The following PALLD variants were observed in gnomAD, a reference collection of about 807,000 sequenced individuals.
PALLD encodes palladin, cytoskeletal associated protein, also known as palladin.
A neutral mutation model predicts 123.5 loss-of-function variants in PALLD; 61 were observed. The observed-to-expected ratio is 0.49, with a 90% CI of 0.40 to 0.61. The LOEUF (loss-of-function observed/expected upper bound fraction) is 0.61. Among genes scored for constraint, PALLD ranks in the 20% least tolerant of loss-of-function variants. The probability of loss-of-function intolerance (pLI) is 0.00; values close to 1 mark genes in which losing one functional copy is unlikely to be tolerated. For missense variants in PALLD, 1,273 were observed against 1,377.0 expected, an observed-to-expected ratio of 0.92 and a Z score of 1.20; for synonymous variants, 465 against 496.4, an observed-to-expected ratio of 0.94 and a Z score of 0.84.
intron 2 of PALLD, chr4:168,654,751 C>G (rs1778391497): frequency 6.6e-6 from 1 of 152,368 alleles, no homozygotes; most frequent in South Asian, 2.1e-4. Flanking sequence ...TAACCAGGCT[C>G]TCAGGGGAAG....
intron 2 of PALLD, among the ~76,000 whole-genome samples, chr4:168,633,005 C>T (rs141895082): frequency 3.7e-4 from 56 of 152,246 alleles, no homozygotes; most frequent in African/African-American, 1.2e-3. Context: ...TCCAAGGGAC[C>T]AGCATGATTT....
At chr4:168,635,209 C>G (rs995828567) in intron 2 of PALLD, among the ~76,000 whole-genome samples, 1 of 152,132 alleles carries the variant, frequency 6.6e-6, no homozygotes, top group Non-Finnish European at 1.5e-5. Context: ...GATGGTTTTG[C>G]TCAACCTCCT....
intron 3 of PALLD, among the ~76,000 whole-genome samples, chr4:168,670,747 CAAAAAAAACAAAAAAAACA>C (rs1331055203): frequency 2.3e-4 from 6 of 25,554 alleles, no homozygotes; most frequent in Non-Finnish European, 3.6e-4. Context: ...CTCAAAAAAA[CAAAAAAAACAAAAAAAACA>C]AAAAAAAACA....
chr4:168,601,225 G>A (rs1228346512), intron 2 of PALLD, among the ~76,000 whole-genome samples: 1 of 152,102 alleles, frequency 6.6e-6, no homozygotes, highest in Non-Finnish European at 1.5e-5. Flanking sequence ...GAGGGAAAGA[G>A]GCATCTCTCA....
intron 2 of PALLD, among the ~76,000 whole-genome samples, chr4:168,667,676 G>T (rs1056064964): frequency 6.6e-6 from 1 of 152,214 alleles, no homozygotes; most frequent in Non-Finnish European, 1.5e-5. Flanking sequence ...GTAAATATCA[G>T]AAATGTGGAA....
intron 2 of PALLD, among the ~76,000 whole-genome samples, chr4:168,656,854 C>T (rs946954360): frequency 7.2e-5 from 11 of 152,140 alleles, no homozygotes; most frequent in East Asian, 1.9e-4. Flanking sequence ...GAAAATTATA[C>T]GTAAACATAG....
chr4:168,813,762 C>G (rs76877518), intron 10 of PALLD, among the ~76,000 whole-genome samples: 4,828 of 152,240 alleles, frequency 0.032, 266 homozygotes, highest in African/African-American at 0.11. Context: ...ATGATTCTGT[C>G]TCGCATAATT....
chr4:168,528,336 C>G (rs1306153116), intron 2 of PALLD, among the ~76,000 whole-genome samples: 5 of 152,214 alleles, frequency 3.3e-5, no homozygotes, highest in Non-Finnish European at 7.3e-5. Context: ...TGCTTTTAGA[C>G]TTAAGTAAAC....
intron 8 of PALLD, among the ~76,000 whole-genome samples, chr4:168,704,604 C>T (rs1581058276): frequency 6.9e-6 from 1 of 144,030 alleles, no homozygotes; most frequent in Non-Finnish European, 1.5e-5. Flanking sequence ...GCGGAGCTTG[C>T]AGTGAGCCGA....
At chr4:168,532,151 T>C (rs1275266513) in intron 2 of PALLD, among the ~76,000 whole-genome samples, 1 of 152,208 alleles carries the variant, frequency 6.6e-6, no homozygotes, top group Non-Finnish European at 1.5e-5. Context: ...TGTGTTTTTA[T>C]CATTTAGCTT....
intron 10 of PALLD, among the ~76,000 whole-genome samples, chr4:168,760,475 T>C (rs1732681561): frequency 6.6e-6 from 1 of 152,192 alleles, no homozygotes; most frequent in South Asian, 2.1e-4. Flanking sequence ...GAGGTTTCTA[T>C]GATCTCTTTC....
chr4:168,686,319 T>A (rs5021497), intron 6 of PALLD, among the ~76,000 whole-genome samples: 4,492 of 152,156 alleles, frequency 0.03, 215 homozygotes, highest in African/African-American at 0.1. Context: ...CAACCCGTCA[T>A]CTAGGTTTTA....
chr4:168,878,067 G>C lies in PALLD; in HGVS notation c.1965-12855G>C. The C allele has an allele frequency of 2.7e-6, 4 of 1,468,312 alleles. No homozygotes were observed. Among genetic ancestry groups the C allele is most frequent in the Non-Finnish European group, 3.6e-6 (4 of 1,116,908 alleles). The allele number at this position is 1,468,312 out of a possible 1,614,324, so 91.0% of individuals were successfully genotyped here. ...CCGTCGCCCATGTCCCCGACGCCGA[G>C]GCAGTTCGGCCGCGCCCCCGTGCCG... On this transcript the variant is annotated intron_variant, in intron 10 of 21. Coordinates refer to ENST00000505667, the MANE Select transcript of PALLD (RefSeq NM_001166108.2).
chr4:168,667,520 TCAAA>T (rs1466103016), intron 2 of PALLD, among the ~76,000 whole-genome samples: 1 of 152,106 alleles, frequency 6.6e-6, no homozygotes, highest in Admixed American at 6.6e-5. Context: ...GAACCTGTGT[TCAAA>T]CAGTCTGGCA....
At chr4:168,782,663 A>C (rs1005822447) in intron 10 of PALLD, among the ~76,000 whole-genome samples, 1 of 152,084 alleles carries the variant, frequency 6.6e-6, no homozygotes, top group African/African-American at 2.4e-5. Context: ...TAATCCCAGC[A>C]CTTGGGAGGC....
At chr4:168,835,135 G>A (rs936695822) in intron 10 of PALLD, among the ~76,000 whole-genome samples, 4 of 152,028 alleles carry the variant, frequency 2.6e-5, no homozygotes, top group Admixed American at 6.6e-5. Context: ...AGGTGTATTC[G>A]ACATTTTCTT....
intron 10 of PALLD, among the ~76,000 whole-genome samples, chr4:168,754,889 T>C (rs573521570): frequency 6.6e-6 from 1 of 152,250 alleles, no homozygotes; most frequent in East Asian, 1.9e-4. Flanking sequence ...AGACAGTTAA[T>C]AGGAAAACAA....
At chr4:168,680,380 C>CA (rs1180142759) in intron 3 of PALLD, among the ~76,000 whole-genome samples, 1 of 145,026 alleles carries the variant, frequency 6.9e-6, no homozygotes, top group Non-Finnish European at 1.5e-5. Flanking sequence ...CCCAGCCACT[C>CA]AGAAGGCAGG....
At chr4:168,925,157 T>A in intron 20 of PALLD, 76 bp from the exon 21 acceptor site, 1 of 1,582,828 alleles carries the variant, frequency 6.3e-7, no homozygotes, top group Non-Finnish European at 8.7e-7. Flanking sequence ...GCAAATCACA[T>A]TACTCTTTAT....
Sources: gnomAD v4.1 joint callset for allele counts (sites outside exome capture counted in the v4.1 genomes callset) on GRCh38, gnomAD v4.1.1 for gene constraint, MANE v1.5 for transcripts, NCBI Gene and HGNC (gene_info 2026-07-23, HGNC 2026-07-21) for gene names.